The following UBTD2 variants were observed in gnomAD, a reference collection of about 807,000 sequenced individuals.
The protein encoded by UBTD2 is ubiquitin domain-containing protein 2.
In UBTD2, 9 loss-of-function variants were observed where a neutral mutation model predicts 19.8. The observed-to-expected ratio is 0.46, with a 90% confidence interval of 0.27 to 0.79. The LOEUF (loss-of-function observed/expected upper bound fraction) is 0.79, where lower values mean the gene tolerates loss of function less well. Among genes scored for constraint, UBTD2 ranks in the 30% least tolerant of loss-of-function variants. UBTD2 has a pLI of 0.14. For synonymous variants in UBTD2, 98 were observed against 103.9 expected (o/e 0.94, Z 0.35); for missense variants, 250 against 300.4 (o/e 0.83, Z 1.24).
chr5:172,240,404 T>C (rs1772102707), intron 1 of UBTD2, among the ~76,000 whole-genome samples: 1 of 152,224 alleles, frequency 6.6e-6, no homozygotes, highest in African/African-American at 2.4e-5. Context: ...TCTGCCATGC[T>C]CATATCCTAA....
chr5:172,249,568 C>A (rs1028906944), intron 1 of UBTD2, among the ~76,000 whole-genome samples: 1 of 152,092 alleles, frequency 6.6e-6, no homozygotes, highest in East Asian at 1.9e-4. Context: ...TTAAGATATA[C>A]GCAAAACCCA....
intron 1 of UBTD2, among the ~76,000 whole-genome samples, chr5:172,278,931 C>T (rs993927535): frequency 1.3e-5 from 2 of 152,244 alleles, no homozygotes; most frequent in African/African-American, 4.8e-5. Context: ...CTCGCCACCA[C>T]CACACCCGGC....
chr5:172,226,434 A>G (rs1771767516), intron 2 of UBTD2, among the ~76,000 whole-genome samples: 1 of 152,192 alleles, frequency 6.6e-6, no homozygotes, highest in African/African-American at 2.4e-5. Flanking sequence ...AGGTTGTTGT[A>G]AAGATTAAAT....
chr5:172,279,969 C>T (rs941009906), intron 1 of UBTD2, among the ~76,000 whole-genome samples: 3 of 152,152 alleles, frequency 2.0e-5, no homozygotes, highest in East Asian at 1.9e-4. Flanking sequence ...GGCACGGTGG[C>T]GCACGCCGGT....
chr5:172,212,698 T>C (rs1299064484), intron 2 of UBTD2, among the ~76,000 whole-genome samples: 1 of 152,224 alleles, frequency 6.6e-6, no homozygotes, highest in Non-Finnish European at 1.5e-5. Context: ...GGAGTGTCGC[T>C]GTGTTGCCCA....
chr5:172,265,927 G>GTT (rs200089104), intron 1 of UBTD2, among the ~76,000 whole-genome samples: 74 of 146,168 alleles, frequency 5.1e-4, no homozygotes, highest in South Asian at 6.5e-4. Flanking sequence ...ACCACCCATT[G>GTT]TTTTTTTTTT....
At chr5:172,247,318 T>C (rs1218549424) in intron 1 of UBTD2, among the ~76,000 whole-genome samples, 1 of 151,930 alleles carries the variant, frequency 6.6e-6, no homozygotes, top group Non-Finnish European at 1.5e-5. Flanking sequence ...ATATTAAGTA[T>C]GTACCTAATA....
At chr5:172,213,358 G>A (rs1365182534) in intron 2 of UBTD2, among the ~76,000 whole-genome samples, 2 of 152,190 alleles carry the variant, frequency 1.3e-5, no homozygotes, top group African/African-American at 4.8e-5. Context: ...ACAAATTAGA[G>A]ATGACAGCCT....
chr5:172,224,450 C>T (rs573600378), intron 2 of UBTD2, among the ~76,000 whole-genome samples: 79 of 152,178 alleles, frequency 5.2e-4, no homozygotes, highest in African/African-American at 1.8e-3. Flanking sequence ...ACGACCATGC[C>T]TGGCTAATTT....
In UBTD2 at chr5:172,212,002, T is replaced by C; in HGVS notation, c.533A>G (p.Lys178Arg). ...VRSTDTVFHM[K>R]RRLHAAEGVE... ...TCCCTCTGCTGCATGCAACCGTCTC[T>C]TCATGTGGAATACTGTGTCTGTGCT... Residue 178 changes from lysine to arginine, a missense_variant, in exon 3 of 3, where the codon AAG (lysine) becomes AGG (arginine). Transcript: ENST00000393792. The C allele has an allele frequency of 6.2e-7, 1 of 1,614,230 alleles. No homozygotes were observed. The highest frequency in any genetic ancestry group is 1.3e-5 in the African/African-American group (1 of 75,054).
At chr5:172,248,299 C>T (rs1754923314) in intron 1 of UBTD2, among the ~76,000 whole-genome samples, 1 of 151,944 alleles carries the variant, frequency 6.6e-6, no homozygotes, top group Non-Finnish European at 1.5e-5. Flanking sequence ...AACATAAAGA[C>T]TACAGCGAGG....
intron 2 of UBTD2, among the ~76,000 whole-genome samples, chr5:172,212,430 T>C (rs1356002021): frequency 6.6e-6 from 1 of 152,222 alleles, no homozygotes; most frequent in Non-Finnish European, 1.5e-5. Context: ...GCTAGGTCCT[T>C]ACGCTTATGC....
chr5:172,234,603 G>A (rs1403633727), intron 1 of UBTD2, among the ~76,000 whole-genome samples: 1 of 152,044 alleles, frequency 6.6e-6, no homozygotes, highest in African/African-American at 2.4e-5. Context: ...ACCCTCCACA[G>A]GATCATTAAA....
intron 1 of UBTD2, among the ~76,000 whole-genome samples, chr5:172,280,454 G>A (rs1046360628): frequency 6.8e-6 from 1 of 146,868 alleles, no homozygotes; most frequent in African/African-American, 2.5e-5. Flanking sequence ...AGGCTGCAGT[G>A]AGCAGAGATC....
At chr5:172,270,938 A>C (rs1755476775) in intron 1 of UBTD2, among the ~76,000 whole-genome samples, 1 of 152,294 alleles carries the variant, frequency 6.6e-6, no homozygotes, top group East Asian at 1.9e-4. Flanking sequence ...TAGTCTCACA[A>C]CTTGGTCTAC....
intron 1 of UBTD2, among the ~76,000 whole-genome samples, chr5:172,265,928 T>G (rs1433322526): frequency 3.0e-5 from 2 of 65,990 alleles, no homozygotes; most frequent in Non-Finnish European, 6.1e-5. Context: ...CCACCCATTG[T>G]TTTTTTTTTT....
At chr5:172,221,425 C>T (rs1236382604) in intron 2 of UBTD2, among the ~76,000 whole-genome samples, 1 of 152,062 alleles carries the variant, frequency 6.6e-6, no homozygotes, top group Non-Finnish European at 1.5e-5. Flanking sequence ...CTGCTTGAGC[C>T]CAGCAGTTTG....
chr5:172,273,878 T>C (rs1045519293), intron 1 of UBTD2, among the ~76,000 whole-genome samples: 3 of 152,082 alleles, frequency 2.0e-5, no homozygotes, highest in African/African-American at 7.2e-5. Context: ...TCAACCTATA[T>C]CTTCTTGCTG....
chr5:172,210,630 C>T lies in UBTD2; in HGVS notation c.*1200G>A, dbSNP rs1771423466. On this transcript the variant is annotated 3_prime_UTR_variant, in exon 3 of 3. Transcript: ENST00000393792. ...AAAGATGAGGGAGGAAAATTGTCAT[C>T]TACCATGACTAGAGGTAACAGTGAA... 6.6e-6 allele frequency: 1 copy of T among 152,164 alleles called. No individual in the cohort carries two copies. Among genetic ancestry groups the T allele is most frequent in the Admixed American group, 6.5e-5 (1 of 15,272 alleles). 9.4% of individuals were successfully genotyped at this position (152,164 alleles called of 1,614,324 possible).
Sources: gnomAD v4.1 joint callset for allele counts (sites outside exome capture counted in the v4.1 genomes callset) on GRCh38, gnomAD v4.1.1 for gene constraint, MANE v1.5 for transcripts, NCBI Gene and HGNC (gene_info 2026-07-23, HGNC 2026-07-21) for gene names.